Variants in RORB observed in about 807,000 individuals in gnomAD.
RORB encodes the protein RAR related orphan receptor B, also known as nuclear receptor ROR-beta.
A neutral mutation model predicts 59.1 loss-of-function variants in RORB; 6 were observed. The observed-to-expected ratio is 0.10, with a 90% CI of 0.06 to 0.20. RORB has a LOEUF of 0.20. RORB is among the 10% of genes least tolerant of loss of function. The pLI is 1.00. For synonymous variants in RORB, 215 were observed against 204.5 expected (o/e 1.05, Z -0.44); for missense variants, 320 against 560.5 (o/e 0.57, Z 4.33).
Position 74,677,227 on chromosome 9 carries a change from A to T in RORB, c.1224+5326A>T, listed in dbSNP as rs11144055. ...CCCCATCACACACCCATCCCATTCC[A>T]ATAAGGCTCAGGAAGACGAGAAAGG... On this transcript the variant is annotated intron_variant, in intron 9 of 9. Coordinates refer to ENST00000376896, the MANE Select transcript of RORB (RefSeq NM_006914.4). Among the ~76,000 whole-genome samples the T allele has an allele frequency of 4.7e-3, 710 of 152,276 alleles. 5 individuals carry two copies. The highest frequency in any genetic ancestry group is 0.02 in the Middle Eastern group (6 of 294).
At chr9:74,590,153 G>A (rs1021358724) in intron 1 of RORB, among the ~76,000 whole-genome samples, 1 of 152,132 alleles carries the variant, frequency 6.6e-6, no homozygotes, top group African/African-American at 2.4e-5. Context: ...AGTAGTAGTA[G>A]TAGTAATAGT....
intron 1 of RORB, among the ~76,000 whole-genome samples, chr9:74,555,298 G>A (rs1234664607): frequency 6.6e-6 from 1 of 152,140 alleles, no homozygotes; most frequent in Non-Finnish European, 1.5e-5. Context: ...TACCACAGTG[G>A]GGACCTTTGT....
chr9:74,595,958 T>C (rs1315780541), intron 1 of RORB, among the ~76,000 whole-genome samples: 1 of 152,186 alleles, frequency 6.6e-6, no homozygotes, highest in Non-Finnish European at 1.5e-5. Flanking sequence ...CTCAGCTCTA[T>C]AGAGCCCACT....
intron 4 of RORB, among the ~76,000 whole-genome samples, chr9:74,648,970 C>CT (rs1457915899): frequency 0.011 from 1,581 of 141,168 alleles, 11 homozygotes; most frequent in Admixed American, 0.025. Context: ...AAGATAGGTT[C>CT]TTTTTTTTTT....
chr9:74,656,021 G>A (rs956790547), intron 4 of RORB, among the ~76,000 whole-genome samples: 1 of 152,174 alleles, frequency 6.6e-6, no homozygotes, highest in Non-Finnish European at 1.5e-5. Context: ...CCCACCACAA[G>A]GATATGGAAA....
At chr9:74,665,665 G>C in intron 7 of RORB, 70 bp downstream of exon 7, 1 of 974,396 alleles carries the variant, frequency 1.0e-6, no homozygotes, top group South Asian at 1.4e-5. Flanking sequence ...ATTGAAATTG[G>C]TAAATGAAAT....
intron 1 of RORB, among the ~76,000 whole-genome samples, chr9:74,598,605 T>A (rs1459558295): frequency 6.6e-6 from 1 of 152,238 alleles, no homozygotes; most frequent in Admixed American, 6.5e-5. Flanking sequence ...CATAGTTTTG[T>A]GTTGAAAACA....
In RORB at chr9:74,595,781, A is replaced by C. The variant is rs529572712; in HGVS notation, c.8-34501A>C. Among the ~76,000 whole-genome samples, 4 of 152,310 alleles carry C rather than the reference A, an allele frequency of 2.6e-5. No homozygotes were observed. The East Asian group carries it at 7.7e-4, about 29-fold the overall frequency. Reference sequence around the variant, plus strand: ...CAAACTAAATTTCCTCTCTATGGGAAGAGTAGGTGGGTGAGGATCAGGTTG... The same window carrying C: ...CAAACTAAATTTCCTCTCTATGGGACGAGTAGGTGGGTGAGGATCAGGTTG... On this transcript the variant is annotated intron_variant, in intron 1 of 9. Coordinates refer to ENST00000376896, the MANE Select transcript of RORB (RefSeq NM_006914.4).
intron 1 of RORB, among the ~76,000 whole-genome samples, chr9:74,614,482 T>C (rs1432256180): frequency 6.6e-6 from 1 of 152,146 alleles, no homozygotes; most frequent in Non-Finnish European, 1.5e-5. Context: ...TGGGTAATTA[T>C]GTGAGATGAT....
chr9:74,660,927 C>T (rs999256447), intron 5 of RORB, among the ~76,000 whole-genome samples, 189 bp downstream of exon 5: 2 of 152,186 alleles, frequency 1.3e-5, no homozygotes, highest in Non-Finnish European at 2.9e-5. Context: ...ACACTTGTGA[C>T]AACCAGAAAT....
chr9:74,633,504 A>AT (rs2118429394), intron 2 of RORB, among the ~76,000 whole-genome samples: 1 of 152,322 alleles, frequency 6.6e-6, no homozygotes, highest in Admixed American at 6.5e-5. Context: ...GTAGACCATG[A>AT]TTTTGCTCAT....
intron 1 of RORB, among the ~76,000 whole-genome samples, chr9:74,560,142 G>C (rs1310641404): frequency 6.6e-6 from 1 of 152,144 alleles, no homozygotes; most frequent in African/African-American, 2.4e-5. Context: ...TGACATGTGA[G>C]AACCTTAAGG....
chr9:74,598,230 C>A (rs1303296694), intron 1 of RORB, among the ~76,000 whole-genome samples: 1 of 152,034 alleles, frequency 6.6e-6, no homozygotes, highest in East Asian at 1.9e-4. Flanking sequence ...AGATTAATGA[C>A]CTCTAAGGCC....
intron 1 of RORB, among the ~76,000 whole-genome samples, chr9:74,620,875 G>GT (rs926247973): frequency 7.2e-4 from 110 of 152,218 alleles, no homozygotes; most frequent in African/African-American, 2.6e-3. Context: ...TGTTCTTAAA[G>GT]TACTCCTTAC....
intron 1 of RORB, among the ~76,000 whole-genome samples, chr9:74,596,960 T>C (rs1822978505): frequency 6.6e-6 from 1 of 152,200 alleles, no homozygotes; most frequent in Non-Finnish European, 1.5e-5. Context: ...CACTGCAGAA[T>C]GAGAAGCTCT....
intron 1 of RORB, among the ~76,000 whole-genome samples, chr9:74,537,195 C>T (rs979946872): frequency 6.6e-6 from 1 of 151,992 alleles, no homozygotes. Context: ...CATCATTCAT[C>T]GTTACCTCTT....
chr9:74,634,805 C>A, intron 3 of RORB, 33 bp downstream of exon 3: 1 of 1,583,908 alleles, frequency 6.3e-7, no homozygotes, highest in Non-Finnish European at 8.6e-7. Flanking sequence ...CTTACTTAAG[C>A]CCTTTCAAAT....
At chr9:74,570,787 G>A (rs1490276424) in intron 1 of RORB, among the ~76,000 whole-genome samples, 14 of 151,974 alleles carry the variant, frequency 9.2e-5, no homozygotes, top group Admixed American at 9.2e-4. Context: ...TTCAATACAT[G>A]CCGTTTGATT....
intron 1 of RORB, among the ~76,000 whole-genome samples, chr9:74,517,538 GA>G (rs1826026446): frequency 6.6e-6 from 1 of 152,008 alleles, no homozygotes; most frequent in African/African-American, 2.4e-5. Flanking sequence ...TGTAATGTTT[GA>G]AAGGCATTTG....
Sources: gnomAD v4.1 joint callset for allele counts (sites outside exome capture counted in the v4.1 genomes callset) on GRCh38, gnomAD v4.1.1 for gene constraint, MANE v1.5 for transcripts, NCBI Gene and HGNC (gene_info 2026-07-23, HGNC 2026-07-21) for gene names.